Variants in HIP1 observed in about 807,000 individuals in gnomAD.
HIP1 encodes the protein huntingtin-interacting protein 1.
In HIP1, 65 loss-of-function variants were observed where a neutral mutation model predicts 147.6. The observed-to-expected ratio is 0.44, with a 90% CI of 0.36 to 0.54. The LOEUF (loss-of-function observed/expected upper bound fraction) is 0.54. Among genes scored for constraint, HIP1 ranks in the 20% least tolerant of loss-of-function variants. The pLI, the probability that HIP1 is intolerant of heterozygous loss-of-function variation, is 0.00. For synonymous variants in HIP1, 479 were observed against 504.0 expected (o/e 0.95, Z 0.67); for missense variants, 1,061 against 1,299.6 (o/e 0.82, Z 2.82).
intron 1 of HIP1, among the ~76,000 whole-genome samples, chr7:75,703,297 G>A (rs1473764887): frequency 2.6e-5 from 4 of 151,886 alleles, no homozygotes; most frequent in South Asian, 2.1e-4. Context: ...GCAGTGAGCC[G>A]AGATCATGCC....
chr7:75,611,641 G>C, intron 1 of HIP1: 2 of 1,016,308 alleles, frequency 2.0e-6, no homozygotes, highest in Non-Finnish European at 2.4e-6. Context: ...ACCAAGGGCG[G>C]GCAGTGCGGG....
chr7:75,738,668 A>G, intron 1 of HIP1, 133 bp downstream of exon 1: 1 of 1,139,876 alleles, frequency 8.8e-7, no homozygotes, highest in Non-Finnish European at 1.2e-6. Context: ...TCTGCACGTC[A>G]ATGCCCCCGC....
chr7:75,557,797 C>T (rs1221485023), intron 15 of HIP1, 27 bp from the exon 16 acceptor site: 20 of 1,514,750 alleles, frequency 1.3e-5, no homozygotes, highest in Non-Finnish European at 1.8e-5. Context: ...GTGTCTTGAA[C>T]CAGGAGATCC....
chr7:75,643,676 C>T (rs1466077650), intron 1 of HIP1, among the ~76,000 whole-genome samples: 1 of 152,062 alleles, frequency 6.6e-6, no homozygotes, highest in African/African-American at 2.4e-5. Flanking sequence ...AATGTTATTA[C>T]CTGCATAATA....
At position 75,535,237 on chromosome 7, in the gene HIP1, A is replaced by T. The variant is rs1794039525; in HGVS notation, c.*2935T>A. 9.5e-6 allele frequency: 2 copies of T among 209,436 alleles called. No individual in the cohort carries two copies. The highest frequency in any genetic ancestry group is 2.3e-5 in the African/African-American group (1 of 43,968). 13.0% of individuals were successfully genotyped at this position (209,436 alleles called of 1,614,324 possible). On this transcript the variant is annotated 3_prime_UTR_variant, in exon 31 of 31. Coordinates refer to ENST00000336926, the MANE Select transcript of HIP1 (RefSeq NM_005338.7). ...GTGGCTTCTTTTTAGAGACAGGATC[A>T]TTCAGATAATTTTTTGTTTGTTTTT...
rs781900165 is a variant in HIP1 at position 75,557,650 on chromosome 7, T to C, written c.1581+4A>G. ...ATTTCCCGAGTGCTCCTCGTCCCACTCACCTTCCGCTGGCCCTGGTCACTG... is the reference window on the plus strand; with the variant it reads ...ATTTCCCGAGTGCTCCTCGTCCCACCCACCTTCCGCTGGCCCTGGTCACTG... On this transcript the variant is annotated splice_donor_region_variant and intron_variant, in intron 16 of 30. Transcript: ENST00000336926. 2 of 1,605,172 alleles carry C rather than the reference T, an allele frequency of 1.2e-6. No individual in the cohort carries two copies. The highest frequency in any genetic ancestry group is 2.2e-5 in the South Asian group (2 of 90,922).
chr7:75,631,281 A>G (rs1554508832), intron 1 of HIP1, among the ~76,000 whole-genome samples: 2 of 152,126 alleles, frequency 1.3e-5, no homozygotes, highest in African/African-American at 4.8e-5. Context: ...GCTTGTGTCA[A>G]GTACTTTAAG....
intron 1 of HIP1, among the ~76,000 whole-genome samples, chr7:75,727,471 G>T (rs782753925): frequency 1.3e-5 from 2 of 151,590 alleles, no homozygotes; most frequent in Admixed American, 6.6e-5. Flanking sequence ...CTGGATATAG[G>T]CCCTTTGATA....
chr7:75,687,226 C>T (rs1800292726), intron 1 of HIP1, among the ~76,000 whole-genome samples: 2 of 152,120 alleles, frequency 1.3e-5, no homozygotes, highest in Non-Finnish European at 2.9e-5. Context: ...AGCCCCTGGC[C>T]TTCCCTCCAG....
At chr7:75,659,425 A>G (rs1320358444) in intron 1 of HIP1, among the ~76,000 whole-genome samples, 1 of 151,912 alleles carries the variant, frequency 6.6e-6, no homozygotes, top group Non-Finnish European at 1.5e-5. Flanking sequence ...TCGGGAGGCC[A>G]AGGTGTGTAG....
chr7:75,619,202 C>CA (rs1797762065), intron 1 of HIP1, among the ~76,000 whole-genome samples: 1 of 152,076 alleles, frequency 6.6e-6, no homozygotes, highest in Non-Finnish European at 1.5e-5. Flanking sequence ...CATTGTATGT[C>CA]AGAGTCTAAG....
intron 1 of HIP1, among the ~76,000 whole-genome samples, chr7:75,669,038 C>T (rs2952379): frequency 0.57 from 85,137 of 149,290 alleles, 24,631 homozygotes; most frequent in African/African-American, 0.66. Flanking sequence ...GCCAACACGG[C>T]GAAACCTCGT....
chr7:75,634,603 T>C (rs1003352942), intron 1 of HIP1, among the ~76,000 whole-genome samples: 5 of 152,022 alleles, frequency 3.3e-5, no homozygotes, highest in Admixed American at 1.3e-4. Flanking sequence ...GCCTTCCTCA[T>C]GGGGTTGCAG....
chr7:75,601,750 G>A (rs587678270), intron 1 of HIP1, among the ~76,000 whole-genome samples: 3 of 152,220 alleles, frequency 2.0e-5, no homozygotes, highest in South Asian at 2.1e-4. Flanking sequence ...GAATGGTTGC[G>A]ATGGAGACCA....
At position 75,600,331 on chromosome 7, in the gene HIP1, G is replaced by A. The variant is rs373512922; in HGVS notation, c.121-1084C>T. ...TCGCCATGTTGGCCAGGCTGGTCTC[G>A]AACTTCTGACCTCAAATGATCCTCC... is the stretch of plus-strand genomic sequence containing the variant. On this transcript the variant is annotated intron_variant, in intron 1 of 30. Transcript: ENST00000336926. Among the ~76,000 whole-genome samples the A allele has an allele frequency of 1.4e-4, 22 of 152,176 alleles. No homozygotes were observed. In the East Asian group the frequency reaches 3.5e-3, roughly 24 times the overall value.
intron 1 of HIP1, among the ~76,000 whole-genome samples, chr7:75,653,263 C>T (rs955071780): frequency 2.0e-5 from 3 of 152,074 alleles, no homozygotes; most frequent in African/African-American, 7.2e-5. Context: ...GATGTGTCCA[C>T]GACTGTCAGA....
intron 19 of HIP1, 144 bp downstream of exon 19, chr7:75,555,272 G>C: frequency 1.3e-6 from 1 of 773,672 alleles, no homozygotes; most frequent in African/African-American, 1.8e-5. Flanking sequence ...ACTGATCTAG[G>C]ATGGGGCCTG....
chr7:75,639,966 C>T (rs1798593406), intron 1 of HIP1, among the ~76,000 whole-genome samples: 1 of 152,172 alleles, frequency 6.6e-6, no homozygotes, highest in African/African-American at 2.4e-5. Flanking sequence ...GGGAAATTGG[C>T]TCCGTGGTTC....
chr7:75,613,196 T>C (rs1349915183), intron 1 of HIP1, among the ~76,000 whole-genome samples: 3 of 151,998 alleles, frequency 2.0e-5, no homozygotes, highest in Admixed American at 2.0e-4. Flanking sequence ...TAGCTCAGGT[T>C]AACAGCTGGG....
Sources: gnomAD v4.1 joint callset for allele counts (sites outside exome capture counted in the v4.1 genomes callset) on GRCh38, gnomAD v4.1.1 for gene constraint, MANE v1.5 for transcripts, NCBI Gene and HGNC (gene_info 2026-07-23, HGNC 2026-07-21) for gene names.